Variants in SRGAP3 observed in about 807,000 individuals in gnomAD.
SRGAP3 encodes SLIT-ROBO Rho GTPase activating protein 3, also known as SLIT-ROBO Rho GTPase-activating protein 3.
A neutral mutation model predicts 121.1 loss-of-function variants in SRGAP3; 39 were observed. The observed-to-expected ratio is 0.32, with a 90% CI of 0.25 to 0.42. The LOEUF is 0.42. Among genes scored for constraint, SRGAP3 ranks in the 10% least tolerant of loss-of-function variants. The probability of loss-of-function intolerance (pLI) is 1.00; values close to 1 mark genes in which losing one functional copy is unlikely to be tolerated. For synonymous variants in SRGAP3, 601 were observed against 570.0 expected (o/e 1.05, Z -0.77); for missense variants, 1,213 against 1,470.6 (o/e 0.82, Z 2.86).
At chr3:9,060,402 A>G in intron 5 of SRGAP3, 43 bp from the exon 6 acceptor site, 7 of 1,506,592 alleles carry the variant, frequency 4.6e-6, no homozygotes, top group Non-Finnish European at 6.4e-6. Flanking sequence ...GCCATTTAAG[A>G]GGACGGGGTT....
At chr3:9,362,631 A>G (rs974785967) in intron 1 of SRGAP3, among the ~76,000 whole-genome samples, 1 of 152,052 alleles carries the variant, frequency 6.6e-6, no homozygotes, top group Non-Finnish European at 1.5e-5. Context: ...TTTTTAAACT[A>G]AAGAAAAATA....
At chr3:9,089,642 C>T (rs1356939317) in intron 3 of SRGAP3, among the ~76,000 whole-genome samples, 1 of 60 alleles carries the variant, frequency 0.017, no homozygotes, top group Non-Finnish European at 0.028. Flanking sequence ...ATCTCATCCT[C>T]TTTAGCTACA....
intron 12 of SRGAP3, among the ~76,000 whole-genome samples, chr3:9,029,093 A>G (rs888292066): frequency 2.0e-5 from 3 of 152,212 alleles, no homozygotes; most frequent in African/African-American, 7.2e-5. Flanking sequence ...GCTACCTGAC[A>G]TGCTGACTAA....
chr3:9,301,603 T>C (rs528724159), intron 3 of SRGAP3, among the ~76,000 whole-genome samples: 1 of 152,352 alleles, frequency 6.6e-6, no homozygotes, highest in East Asian at 1.9e-4. Flanking sequence ...GCACGGCTGA[T>C]GCCTGTGGCT....
chr3:9,086,407 T>C (rs968587536), intron 3 of SRGAP3, among the ~76,000 whole-genome samples: 1 of 150,510 alleles, frequency 6.6e-6, no homozygotes, highest in Non-Finnish European at 1.5e-5. Flanking sequence ...ACACCTGTAG[T>C]CCCAAGGGAG....
intron 1 of SRGAP3, among the ~76,000 whole-genome samples, chr3:9,241,165 A>T (rs1953621389): frequency 6.6e-6 from 1 of 152,206 alleles, no homozygotes; most frequent in Non-Finnish European, 1.5e-5. Flanking sequence ...TAAAATGAAA[A>T]TAATAATGAC....
chr3:9,302,090 T>C (rs990803108), intron 3 of SRGAP3, among the ~76,000 whole-genome samples: 1 of 152,196 alleles, frequency 6.6e-6, no homozygotes, highest in Non-Finnish European at 1.5e-5. Flanking sequence ...CAGTGCCTTA[T>C]GTACGTTCAC....
chr3:9,355,037 T>C (rs1378216394), intron 1 of SRGAP3, among the ~76,000 whole-genome samples: 3 of 152,190 alleles, frequency 2.0e-5, no homozygotes, highest in Admixed American at 1.3e-4. Context: ...ATAAAGAGCA[T>C]ATGTGCCCAC....
At chr3:9,038,603 C>T (rs1944881634) in intron 10 of SRGAP3, among the ~76,000 whole-genome samples, 1 of 152,272 alleles carries the variant, frequency 6.6e-6, no homozygotes, top group South Asian at 2.1e-4. Context: ...GGTGCTCCTC[C>T]ACCCTGCTGC....
At chr3:9,123,732 ATG>A (rs532602901) in intron 2 of SRGAP3, among the ~76,000 whole-genome samples, 136 of 139,064 alleles carry the variant, frequency 9.8e-4, no homozygotes, top group Middle Eastern at 3.5e-3. Flanking sequence ...ATATGTATAT[ATG>A]TGTGTGTGTG....
At chr3:9,253,055 AGATTTTATCACT>A (rs1954052702), upstream of SRGAP3, among the ~76,000 whole-genome samples, 1 of 152,228 alleles carries the variant, frequency 6.6e-6, no homozygotes, top group South Asian at 2.1e-4. Flanking sequence ...CACTCTATGT[AGATTTTATCACT>A]GATTTTTTGC....
At chr3:9,181,759 C>T (rs1016440614) in intron 1 of SRGAP3, among the ~76,000 whole-genome samples, 9 of 152,326 alleles carry the variant, frequency 5.9e-5, no homozygotes, top group South Asian at 2.1e-4. Context: ...AGATAGGGAC[C>T]GCTAGATAAT....
chr3:9,164,138 C>T lies in SRGAP3; in HGVS notation c.68-39221G>A, dbSNP rs140363512. Among the ~76,000 whole-genome samples, 282 of 151,454 alleles carry T rather than the reference C, an allele frequency of 1.9e-3. 2 individuals carry two copies. Among genetic ancestry groups the T allele is most frequent in the African/African-American group, 6.5e-3 (270 of 41,336 alleles). ...TCAGCCTCCCAAGTAGCTGGGATTA[C>T]AGGCATGTGCAACCACGCCTGGCTA... On this transcript the variant is annotated intron_variant, in intron 1 of 21. Coordinates refer to ENST00000383836, the MANE Select transcript of SRGAP3 (RefSeq NM_014850.4).
At chr3:9,191,595 G>T (rs1380224028) in intron 1 of SRGAP3, among the ~76,000 whole-genome samples, 2 of 152,206 alleles carry the variant, frequency 1.3e-5, no homozygotes, top group Non-Finnish European at 2.9e-5. Flanking sequence ...AGGCAGAAGG[G>T]AATTCAAGGC....
intron 5 of SRGAP3, among the ~76,000 whole-genome samples, chr3:9,060,885 G>A (rs1946134734): frequency 6.6e-6 from 1 of 152,190 alleles, no homozygotes; most frequent in African/African-American, 2.4e-5. Flanking sequence ...CACCTGCACA[G>A]CCGATGAGGA....
At chr3:9,270,554 T>C (rs985955070) in intron 3 of SRGAP3, among the ~76,000 whole-genome samples, 2 of 152,194 alleles carry the variant, frequency 1.3e-5, no homozygotes, top group African/African-American at 4.8e-5. Context: ...TGTTTCTCTC[T>C]ATCAAATTTA....
chr3:9,052,082 G>A (rs1945606433), intron 9 of SRGAP3, among the ~76,000 whole-genome samples: 1 of 152,170 alleles, frequency 6.6e-6, no homozygotes, highest in Non-Finnish European at 1.5e-5. Context: ...ATCAGCACAT[G>A]GAACATGTTC....
At chr3:9,034,771 C>T (rs1359117939) in intron 11 of SRGAP3, 1 of 152,112 alleles carries the variant, frequency 6.6e-6, no homozygotes, top group African/African-American at 2.4e-5. Context: ...GGATTTCTTA[C>T]AAGAGCTGCT....
Position 9,080,072 on chromosome 3 carries a change from G to A in SRGAP3, c.439C>T (p.Leu147=), listed in dbSNP as rs751519605. 7 of 1,614,066 alleles carry A rather than the reference G, an allele frequency of 4.3e-6. No individual in the cohort carries two copies. The highest frequency in any genetic ancestry group is 1.3e-5 in the African/African-American group (1 of 74,922). Reference sequence around the variant, plus strand: ...TTCAGGAGCTCCTCGTGCATCTGCAGGCCAATCTCCTTGCTCTGGAATGTG... The same window carrying A: ...TTCAGGAGCTCCTCGTGCATCTGCAAGCCAATCTCCTTGCTCTGGAATGTG... ...RLFKKSKEIG[L]QMHEELLKVT... Residue 147 remains leucine, a synonymous_variant, in exon 4 of 22, where the codon CTG becomes TTG. Transcript: ENST00000383836.
Sources: allele counts gnomAD v4.1 joint callset (sites outside exome capture counted in the v4.1 genomes callset), GRCh38; gene constraint gnomAD v4.1.1; transcripts MANE v1.5; gene names NCBI Gene and HGNC (gene_info 2026-07-23, HGNC 2026-07-21).